SOX10: variants seen among roughly 807,000 people sequenced by gnomAD.
The protein encoded by SOX10 is transcription factor SOX-10.
SOX10 carries 3 observed loss-of-function variants against 35.0 expected under a neutral mutation model. That is an observed-to-expected ratio of 0.09 (90% CI 0.04 to 0.22). The LOEUF (loss-of-function observed/expected upper bound fraction) is 0.22, where lower values mean the gene tolerates loss of function less well. Among genes scored for constraint, SOX10 ranks in the 10% least tolerant of loss-of-function variants. The probability of loss-of-function intolerance (pLI) is 1.00; values close to 1 mark genes in which losing one functional copy is unlikely to be tolerated. For missense variants in SOX10, 436 were observed against 655.1 expected (o/e 0.67, Z 3.65); for synonymous variants, 285 against 291.0 (o/e 0.98, Z 0.21).
At position 37,980,302 on chromosome 22, in the gene SOX10, G is replaced by A. The variant is rs1235396765; in HGVS notation, c.429-2167C>T. On this transcript the variant is annotated intron_variant, in intron 2 of 3. Transcript: ENST00000396884. This position sits in a 1 kb window ranked among gnomAD's most constrained non-coding sequence, Gnocchi z 4.1. The stretch of plus-strand genomic sequence containing the variant: ...CCGCCAGCAGTGGACCCCAACAGAG[G>A]GGCTTCTGGGATGGCTGGGGACATG... Among the ~76,000 whole-genome samples, 1 of 152,026 alleles carries A rather than the reference G, an allele frequency of 6.6e-6. No individual in the cohort carries two copies. The highest frequency in any genetic ancestry group is 2.4e-5 in the African/African-American group (1 of 41,380).
At position 37,973,327 on chromosome 22, in the gene SOX10, G is replaced by A. The variant is rs753235182; in HGVS notation, c.*168C>T. On this transcript the variant is annotated 3_prime_UTR_variant, in exon 4 of 4. Transcript: ENST00000396884. ...TTTGCTGCTGGAGCCTGGATGGGGC[G>A]GGTGGGTCATCAGGGCAGTGAGCCA... The A allele has an allele frequency of 1.5e-5, 9 of 585,420 alleles. No individual in the cohort carries two copies. Among genetic ancestry groups the A allele is most frequent in the South Asian group, 2.2e-5 (1 of 45,356 alleles). 36.3% of individuals were successfully genotyped at this position (585,420 alleles called of 1,614,324 possible).
rs964149627 is a variant in SOX10, at chr22:37,973,892, GAGATCC to G, written c.998_1003del (p.Trp333_Ile334del). ...GGGCAGAGCCACGCCTGGTGGCTTG[GAGATCC>G]AGGCGGAGTGTCCACTGGCCACGGC... On this transcript the variant is annotated inframe_deletion, in exon 4 of 4. Transcript: ENST00000396884. 2 of 1,609,982 alleles carry G rather than the reference GAGATCC, an allele frequency of 1.2e-6. No individual in the cohort carries two copies. Among genetic ancestry groups the G allele is most frequent in the Non-Finnish European group, 1.7e-6 (2 of 1,179,430 alleles).
At position 37,978,117 on chromosome 22, in the gene SOX10, G is replaced by A; in HGVS notation, c.447C>T (p.Asp149=). Residue 149 remains aspartate (D), a synonymous_variant, in exon 3 of 4, where the codon GAC becomes GAT. Transcript: ENST00000396884. This position sits in a 1 kb window ranked among gnomAD's most constrained non-coding sequence, Gnocchi z 5.0. ...CAGCCTCCTCGATGAAGGGGCGCTT[G>A]TCACTTTCGTTCAGCAGCCTGGGGT... is the stretch of plus-strand genomic sequence containing the variant. ...GKLWRLLNES[D]KRPFIEEAER... 1.9e-6 allele frequency: 3 copies of A among 1,577,310 alleles called. No individual in the cohort carries two copies. The highest frequency in any genetic ancestry group is 2.6e-6 in the Non-Finnish European group (3 of 1,161,090).
chr22:37,975,645 A>C (rs989658844), intron 3 of SOX10, among the ~76,000 whole-genome samples: 5 of 152,206 alleles, frequency 3.3e-5, no homozygotes, highest in Non-Finnish European at 5.9e-5. Flanking sequence ...GGCAGCGCCA[A>C]GTCCTGCATT....
intron 2 of SOX10, among the ~76,000 whole-genome samples, chr22:37,979,404 G>A (rs992942114): frequency 2.6e-5 from 4 of 152,142 alleles, no homozygotes; most frequent in Non-Finnish European, 1.5e-5. Context: ...GGCCCCAAGA[G>A]GTGCTTTTCT....
Position 37,984,014 on chromosome 22 carries a change from C to G in SOX10, c.-84-146G>C, listed in dbSNP as rs571544134. On this transcript the variant is annotated intron_variant, in intron 1 of 3. Transcript: ENST00000396884. This position sits in a 1 kb window ranked among gnomAD's most constrained non-coding sequence, Gnocchi z 4.4. ...CCCTGGGGCCCACGCACATGCCAGA[C>G]TCTAGGTGGGTGCGTCCCGCCTCTG... The G allele has an allele frequency of 3.1e-6, 1 of 319,614 alleles. No homozygotes were observed. The highest frequency in any genetic ancestry group is 7.8e-5 in the South Asian group (1 of 12,820). 19.8% of individuals were successfully genotyped at this position (319,614 alleles called of 1,614,324 possible). A position where few individuals can be genotyped will look rare whatever the true frequency, so the allele number is the denominator to read the frequency against.
Position 37,973,795 on chromosome 22 carries a change from TG to T in SOX10, c.1100del (p.Pro367HisfsTer135). The T allele has an allele frequency of 1.3e-6, 2 of 1,595,718 alleles. No homozygotes were observed. The highest frequency in any genetic ancestry group is 1.7e-6 in the Non-Finnish European group (2 of 1,168,638). On this transcript the variant is annotated frameshift_variant, in exon 4 of 4. Coordinates refer to ENST00000396884, the MANE Select transcript of SOX10 (RefSeq NM_006941.4). LOFTEE classifies it high-confidence loss of function. ...AGGTGGATGGCTGGTCGGTGTAGTG[TG>T]GGGGCCCCTGGGGCCCCGCGGTCTC... ...KTETAGPQGP[P>X]HYTDQPSTSQ...
At chr22:37,979,299 T>C (rs1331257403) in intron 2 of SOX10, among the ~76,000 whole-genome samples, 1 of 151,860 alleles carries the variant, frequency 6.6e-6, no homozygotes, top group Non-Finnish European at 1.5e-5. Flanking sequence ...GGTTTCACCA[T>C]ATTGGCCAGG....
At chr22:37,975,928 A>T (rs755783679) in intron 3 of SOX10, among the ~76,000 whole-genome samples, 3 of 151,918 alleles carry the variant, frequency 2.0e-5, no homozygotes, top group African/African-American at 7.3e-5. Context: ...CTCTCTCTAT[A>T]TATATACTAT....
chr22:37,978,070 T>C lies in SOX10; in HGVS notation c.494A>G (p.Lys165Arg), dbSNP rs1339469483. The C allele has an allele frequency of 1.2e-6, 2 of 1,609,006 alleles. No individual in the cohort carries two copies. The highest frequency in any genetic ancestry group is 8.5e-7 in the Non-Finnish European group (1 of 1,178,372). Reference sequence around the variant, plus strand: ...GTACTTGTAGTCCGGGTGGTCTTTCTTGTGCTGCATACGGAGCCGCTCAGC... The same window carrying C: ...GTACTTGTAGTCCGGGTGGTCTTTCCTGTGCTGCATACGGAGCCGCTCAGC... ...EEAERLRMQH[K>R]KDHPDYKYQP... Residue 165 changes from lysine to arginine, a missense_variant, in exon 3 of 4, where the codon AAG (lysine) becomes AGG (arginine). By Grantham distance (26) the Lys-to-Arg change is conservative. Transcript: ENST00000396884. The surrounding 1 kb of genome is among the most constrained non-coding windows in gnomAD (Gnocchi z 5.0).
In SOX10 at chr22:37,978,108, G is replaced by T; in HGVS notation, c.456C>A (p.Pro152=). The T allele has an allele frequency of 6.3e-7, 1 of 1,584,672 alleles. No individual in the cohort carries two copies. Among genetic ancestry groups the T allele is most frequent in the East Asian group, 2.3e-5 (1 of 44,182 alleles). ...GGAGCCGCTCAGCCTCCTCGATGAA[G>T]GGGCGCTTGTCACTTTCGTTCAGCA... ...WRLLNESDKR[P]FIEEAERLRM... is the part of the protein sequence containing the mutation. Residue 152 remains proline (P), a synonymous_variant, in exon 3 of 4, where the codon CCC becomes CCA. Transcript: ENST00000396884. This position sits in a 1 kb window ranked among gnomAD's most constrained non-coding sequence, Gnocchi z 5.0.
chr22:37,981,613 C>T (rs1932397776), intron 2 of SOX10, among the ~76,000 whole-genome samples: 1 of 152,210 alleles, frequency 6.6e-6, no homozygotes, highest in Non-Finnish European at 1.5e-5. Flanking sequence ...CTTGCTTTGA[C>T]TCTCGTTGGG....
At chr22:37,982,953 C>T (rs1932446849) in intron 2 of SOX10, among the ~76,000 whole-genome samples, 1 of 152,228 alleles carries the variant, frequency 6.6e-6, no homozygotes. Flanking sequence ...CCTGAATCTC[C>T]AGCCAACCCT....
chr22:37,976,884 C>G (rs1932236710), intron 3 of SOX10, among the ~76,000 whole-genome samples: 1 of 152,096 alleles, frequency 6.6e-6, no homozygotes, highest in Admixed American at 6.5e-5. Flanking sequence ...GACACGGTAT[C>G]ACATGCCATG....
Position 37,973,857 on chromosome 22 carries a change from G to T in SOX10, c.1039C>A (p.Pro347Thr). The change falls in exon 4 of 4, where the codon CCA becomes ACA. Residue 347 changes from proline to threonine, a missense_variant. Pro to Thr is a conservative substitution (Grantham distance 38). Coordinates refer to ENST00000396884, the MANE Select transcript of SOX10 (RefSeq NM_006941.4). ...TGGGCTTTGGCATCCACACCAGGTG[G>T]TGAGACCGTGGGCAGAGCCACGCCT... Reference protein sequence around the residue: ...PPGVALPTVSPPGVDAKAQVK... With the variant: ...PPGVALPTVSTPGVDAKAQVK... 1 of 1,608,198 alleles carries T rather than the reference G, an allele frequency of 6.2e-7. No individual in the cohort carries two copies. Among genetic ancestry groups the T allele is most frequent in the South Asian group, 1.1e-5 (1 of 91,032 alleles).
At position 37,983,836 on chromosome 22, in the gene SOX10, C is replaced by T; in HGVS notation, c.-52G>A. 2 of 1,336,154 alleles carry T rather than the reference C, an allele frequency of 1.5e-6. No individual in the cohort carries two copies. The highest frequency in any genetic ancestry group is 1.9e-6 in the Non-Finnish European group (2 of 1,041,924). The allele number at this position is 1,336,154 out of a possible 1,614,324, so 82.8% of individuals were successfully genotyped here. A position where few individuals can be genotyped will look rare whatever the true frequency, so the allele number is the denominator to read the frequency against. On this transcript the variant is annotated 5_prime_UTR_variant, in exon 2 of 4. Transcript: ENST00000396884. The surrounding 1 kb of genome is among the most constrained non-coding windows in gnomAD (Gnocchi z 9.5). The stretch of plus-strand genomic sequence containing the variant: ...CCTCGGCCGCCTCCCCCGGGCCAGC[C>T]GCCGGGGTCCTCGCAAAGAGTCCAA...
chr22:37,979,943 G>A (rs1053384939), intron 2 of SOX10, among the ~76,000 whole-genome samples: 3 of 151,982 alleles, frequency 2.0e-5, no homozygotes, highest in African/African-American at 7.3e-5. Context: ...CCCCCAGTCA[G>A]CAGAAGGCCG....
chr22:37,979,159 G>A (rs188550827), intron 2 of SOX10, among the ~76,000 whole-genome samples: 1 of 151,806 alleles, frequency 6.6e-6, no homozygotes, highest in East Asian at 1.9e-4. Flanking sequence ...GTGCCGTGAT[G>A]CGGTCTCAGC....
chr22:37,975,181 C>T (rs1260671843), intron 3 of SOX10, among the ~76,000 whole-genome samples: 2 of 152,224 alleles, frequency 1.3e-5, no homozygotes, highest in Non-Finnish European at 2.9e-5. Flanking sequence ...ATGCCAGGTA[C>T]TGTGCCAGGT....
Sources: gnomAD v4.1 joint callset for allele counts (sites outside exome capture counted in the v4.1 genomes callset) on GRCh38, gnomAD v4.1.1 for gene constraint, Gnocchi (gnomAD v3.1) non-coding constraint, MANE v1.5 for transcripts, NCBI Gene and HGNC (gene_info 2026-07-23, HGNC 2026-07-21) for gene names.